NKAIN2: variants seen among roughly 807,000 people sequenced by gnomAD.
The protein encoded by NKAIN2 is sodium/potassium transporting ATPase interacting 2.
A neutral mutation model predicts 32.6 loss-of-function variants in NKAIN2; 14 were observed. The ratio of observed to expected loss-of-function variants is 0.43; its 90% CI spans 0.28 to 0.67. The LOEUF (loss-of-function observed/expected upper bound fraction) is 0.67. Among genes scored for constraint, NKAIN2 ranks in the 30% least tolerant of loss-of-function variants. NKAIN2 has a pLI of 0.17. For synonymous variants in NKAIN2, 80 were observed against 87.2 expected (o/e 0.92, Z 0.46); for missense variants, 198 against 258.3 (o/e 0.77, Z 1.60).
chr6:123,859,697 T>G (rs972673981), intron 1 of NKAIN2, among the ~76,000 whole-genome samples: 2 of 152,188 alleles, frequency 1.3e-5, no homozygotes, highest in Non-Finnish European at 2.9e-5. Flanking sequence ...TACTTTTTTT[T>G]GTTTGTTTTT....
At chr6:124,025,885 T>C (rs1441391030) in intron 1 of NKAIN2, among the ~76,000 whole-genome samples, 1 of 152,170 alleles carries the variant, frequency 6.6e-6, no homozygotes, top group Admixed American at 6.5e-5. Context: ...TCTGACCTTC[T>C]CCTGCCTTTC....
At chr6:124,705,549 C>T (rs1775016102) in intron 4 of NKAIN2, among the ~76,000 whole-genome samples, 1 of 151,902 alleles carries the variant, frequency 6.6e-6, no homozygotes, top group Non-Finnish European at 1.5e-5. Context: ...AAATTGCATC[C>T]CAGGGTATTT....
chr6:124,220,103 G>A (rs1791734051), intron 1 of NKAIN2, among the ~76,000 whole-genome samples: 1 of 152,134 alleles, frequency 6.6e-6, no homozygotes, highest in Non-Finnish European at 1.5e-5. Flanking sequence ...GGAGAGACCT[G>A]GAGGGAGGTT....
At chr6:124,215,876 G>A (rs1025125273) in intron 1 of NKAIN2, among the ~76,000 whole-genome samples, 3 of 152,126 alleles carry the variant, frequency 2.0e-5, no homozygotes, top group African/African-American at 7.2e-5. Context: ...CCAGCACTTT[G>A]GGAGACTGAG....
chr6:123,871,190 G>A (rs1029667950), intron 1 of NKAIN2, among the ~76,000 whole-genome samples: 1 of 152,148 alleles, frequency 6.6e-6, no homozygotes, highest in South Asian at 2.1e-4. Flanking sequence ...TGGTCATGTT[G>A]TGACTATAAA....
chr6:124,631,809 C>T (rs545179700), intron 3 of NKAIN2, among the ~76,000 whole-genome samples: 1 of 152,170 alleles, frequency 6.6e-6, no homozygotes, highest in South Asian at 2.1e-4. Flanking sequence ...TCGAGGTTCC[C>T]CATTTAACAT....
chr6:124,034,570 G>A (rs1223589684), intron 1 of NKAIN2, among the ~76,000 whole-genome samples: 2 of 152,024 alleles, frequency 1.3e-5, no homozygotes, highest in African/African-American at 2.4e-5. Flanking sequence ...GAATAGCCCT[G>A]CAATACACTC....
At chr6:124,310,394 CT>C (rs1446431564) in intron 2 of NKAIN2, among the ~76,000 whole-genome samples, 2 of 152,010 alleles carry the variant, frequency 1.3e-5, no homozygotes, top group Non-Finnish European at 2.9e-5. Context: ...CTTTAATGAT[CT>C]TTCTGAAATC....
chr6:124,246,757 G>A (rs921299053), intron 1 of NKAIN2, among the ~76,000 whole-genome samples: 14 of 152,002 alleles, frequency 9.2e-5, no homozygotes, highest in East Asian at 7.8e-4. Flanking sequence ...GCTATCACCC[G>A]TTTTCTCTCC....
At chr6:124,173,958 C>T (rs920120835) in intron 1 of NKAIN2, among the ~76,000 whole-genome samples, 6 of 151,766 alleles carry the variant, frequency 4.0e-5, no homozygotes, top group Admixed American at 2.0e-4. Context: ...ATTTTCATGC[C>T]GAAGGATACT....
At chr6:124,734,031 G>A (rs1003199269) in intron 4 of NKAIN2, among the ~76,000 whole-genome samples, 1 of 147,318 alleles carries the variant, frequency 6.8e-6, no homozygotes, top group African/African-American at 2.5e-5. Flanking sequence ...TCAGCTGGGA[G>A]TATCTTATAA....
chr6:124,160,385 G>A (rs1788210548), intron 1 of NKAIN2, among the ~76,000 whole-genome samples: 1 of 152,066 alleles, frequency 6.6e-6, no homozygotes, highest in Non-Finnish European at 1.5e-5. Flanking sequence ...CAGTAAAAAC[G>A]TATTCAGGTT....
At chr6:124,321,144 G>A (rs1278301707) in intron 2 of NKAIN2, among the ~76,000 whole-genome samples, 2 of 152,118 alleles carry the variant, frequency 1.3e-5, no homozygotes, top group South Asian at 2.1e-4. Context: ...TAATCTAACC[G>A]TGGCAATCCT....
chr6:124,203,034 T>A (rs560383718), intron 1 of NKAIN2, among the ~76,000 whole-genome samples: 1 of 152,044 alleles, frequency 6.6e-6, no homozygotes, highest in Admixed American at 6.6e-5. Flanking sequence ...TCATATAATG[T>A]GCTGTCTGTT....
intron 3 of NKAIN2, among the ~76,000 whole-genome samples, chr6:124,545,646 ATATG>A (rs1780069513): frequency 6.6e-6 from 1 of 151,256 alleles, no homozygotes; most frequent in Non-Finnish European, 1.5e-5. Context: ...GAATATATAT[ATATG>A]TATGTAATAT....
At chr6:124,734,374 C>G (rs985914764) in intron 4 of NKAIN2, among the ~76,000 whole-genome samples, 10 of 151,782 alleles carry the variant, frequency 6.6e-5, no homozygotes, top group African/African-American at 2.4e-4. Flanking sequence ...CTACAGTTCA[C>G]TGTATTTTGC....
intron 1 of NKAIN2, among the ~76,000 whole-genome samples, chr6:123,833,864 A>G (rs1774496176): frequency 6.6e-6 from 1 of 150,950 alleles, no homozygotes; most frequent in Non-Finnish European, 1.5e-5. Flanking sequence ...AGTAGCTGGT[A>G]TTACAGGTGT....
rs998059249 is a variant in NKAIN2 at position 124,794,232 on chromosome 6, C to T, written c.535+2833C>T. Among the ~76,000 whole-genome samples, 4 of 152,018 alleles carry T rather than the reference C, an allele frequency of 2.6e-5. 1 individual carries two copies. The East Asian group carries it at 5.8e-4, about 22-fold the overall frequency. ...TAAAAGTATGGTTAATGCAAGTCTC[C>T]CAAAATATTTGAACACAAGACTCCT... On this transcript the variant is annotated intron_variant, in intron 5 of 6. Coordinates refer to ENST00000368417, the MANE Select transcript of NKAIN2 (RefSeq NM_001040214.3).
intron 4 of NKAIN2, among the ~76,000 whole-genome samples, chr6:124,788,089 G>A (rs905521292): frequency 3.9e-5 from 6 of 151,938 alleles, no homozygotes; most frequent in African/African-American, 7.2e-5. Context: ...TACCTAAATC[G>A]ACTTCAAATT....
Sources: gnomAD v4.1 joint callset for allele counts (sites outside exome capture counted in the v4.1 genomes callset) on GRCh38, gnomAD v4.1.1 for gene constraint, MANE v1.5 for transcripts, NCBI Gene and HGNC (gene_info 2026-07-23, HGNC 2026-07-21) for gene names.